Variants in MAN1A2 observed in about 807,000 individuals in gnomAD.
MAN1A2 encodes the protein mannosidase alpha class 1A member 2.
In MAN1A2, 26 loss-of-function variants were observed where a neutral mutation model predicts 75.7. The ratio of observed to expected loss-of-function variants is 0.34; its 90% CI spans 0.25 to 0.48. MAN1A2 has a LOEUF of 0.48. Among genes scored for constraint, MAN1A2 ranks in the 20% least tolerant of loss-of-function variants. The probability of loss-of-function intolerance (pLI) is 0.99; values close to 1 mark genes in which losing one functional copy is unlikely to be tolerated. For missense variants in MAN1A2, 562 were observed against 775.5 expected, an observed-to-expected ratio of 0.72 and a Z score of 3.27; for synonymous variants, 247 against 264.6, an observed-to-expected ratio of 0.93 and a Z score of 0.65.
At chr1:117,480,391 T>C (rs951712223) in intron 8 of MAN1A2, among the ~76,000 whole-genome samples, 4 of 152,020 alleles carry the variant, frequency 2.6e-5, no homozygotes, top group Middle Eastern at 3.4e-3. Context: ...CCTTGTTTGT[T>C]TTCCATCATT....
At chr1:117,445,894 A>ATATATATATATATATG (rs1557953937) in intron 6 of MAN1A2, among the ~76,000 whole-genome samples, 1 of 144,108 alleles carries the variant, frequency 6.9e-6, no homozygotes, top group Non-Finnish European at 1.5e-5. Context: ...GTATATATAT[A>ATATATATATATATATG]TATATGTATA....
chr1:117,505,051 A>C (rs978402882), intron 12 of MAN1A2, among the ~76,000 whole-genome samples: 7 of 151,430 alleles, frequency 4.6e-5, no homozygotes, highest in African/African-American at 1.7e-4. Context: ...GATAATTTTG[A>C]GACTGTGAAT....
chr1:117,465,132 C>T (rs1367553241), intron 7 of MAN1A2, among the ~76,000 whole-genome samples: 4 of 151,472 alleles, frequency 2.6e-5, no homozygotes, highest in African/African-American at 9.7e-5. Flanking sequence ...TAGTTATCAA[C>T]AAAATGAAGG....
intron 8 of MAN1A2, among the ~76,000 whole-genome samples, chr1:117,490,191 G>C (rs543976715): frequency 6.6e-6 from 1 of 151,814 alleles, no homozygotes; most frequent in Non-Finnish European, 1.5e-5. Flanking sequence ...ATATTGCAGG[G>C]TTTGGTGTGT....
intron 8 of MAN1A2, among the ~76,000 whole-genome samples, chr1:117,469,700 A>G (rs994550409): frequency 6.6e-6 from 1 of 152,172 alleles, no homozygotes; most frequent in Non-Finnish European, 1.5e-5. Context: ...CATTTCTGCA[A>G]AGAAGATATG....
At chr1:117,495,402 T>A (rs569539739) in intron 9 of MAN1A2, among the ~76,000 whole-genome samples, 14 of 151,866 alleles carry the variant, frequency 9.2e-5, no homozygotes, top group Non-Finnish European at 2.1e-4. Flanking sequence ...ATGGAATGTA[T>A]GAAAGAGATA....
At chr1:117,461,360 C>T (rs1051681907) in intron 7 of MAN1A2, among the ~76,000 whole-genome samples, 3 of 151,920 alleles carry the variant, frequency 2.0e-5, no homozygotes, top group South Asian at 2.1e-4. Flanking sequence ...ATTGATCTCA[C>T]GGAGGTAGAG....
At chr1:117,473,344 A>C (rs1301778346) in intron 8 of MAN1A2, among the ~76,000 whole-genome samples, 1 of 152,006 alleles carries the variant, frequency 6.6e-6, no homozygotes, top group East Asian at 1.9e-4. Context: ...ACCCTGAGCC[A>C]AGTCACCATC....
chr1:117,396,066 A>G (rs964165640), intron 1 of MAN1A2, among the ~76,000 whole-genome samples: 2 of 152,204 alleles, frequency 1.3e-5, no homozygotes, highest in African/African-American at 4.8e-5. Flanking sequence ...GCTTCAGTGT[A>G]TAGAGTTTTA....
At chr1:117,450,622 C>T (rs945485035) in intron 6 of MAN1A2, among the ~76,000 whole-genome samples, 30 of 152,244 alleles carry the variant, frequency 2.0e-4, no homozygotes, top group African/African-American at 7.0e-4. Context: ...AAAGTGGTTT[C>T]GTGGGCCAGG....
In MAN1A2 at chr1:117,405,559, A is replaced by G; in HGVS notation, c.569A>G (p.His190Arg). The change falls in exon 3 of 13, where the codon CAT (histidine) becomes CGT (arginine). Residue 190 changes from histidine (H) to arginine (R), a missense_variant. By Grantham distance (29) the His-to-Arg change is conservative. Around this residue, in one of 2 missense-constraint regions of MAN1A2, gnomAD observed 434 missense variants for 645.7 expected, o/e 0.67. Coordinates refer to ENST00000356554, the MANE Select transcript of MAN1A2 (RefSeq NM_006699.5). The stretch of plus-strand genomic sequence containing the variant: ...TTTTTCTCTTTTCAGATGATGAAAC[A>G]TGCTTGGGATAACTATAGGACATAT... ...KREKIKEMMK[H>R]AWDNYRTYGW... The G allele has an allele frequency of 6.3e-7, 1 of 1,594,190 alleles. No individual in the cohort carries two copies. Among genetic ancestry groups the G allele is most frequent in the Non-Finnish European group, 8.6e-7 (1 of 1,162,276 alleles).
chr1:117,473,080 A>T (rs1160493511), intron 8 of MAN1A2, among the ~76,000 whole-genome samples: 1 of 151,952 alleles, frequency 6.6e-6, no homozygotes, highest in Non-Finnish European at 1.5e-5. Flanking sequence ...TATCTACTTG[A>T]CATTTTTACT....
At chr1:117,374,972 C>A (rs894376068) in intron 1 of MAN1A2, among the ~76,000 whole-genome samples, 1 of 151,912 alleles carries the variant, frequency 6.6e-6, no homozygotes, top group Non-Finnish European at 1.5e-5. Flanking sequence ...GAAATCTATA[C>A]CGATTTAAAA....
At chr1:117,436,947 A>G (rs969302311) in intron 5 of MAN1A2, among the ~76,000 whole-genome samples, 1 of 152,248 alleles carries the variant, frequency 6.6e-6, no homozygotes, top group Non-Finnish European at 1.5e-5. Context: ...AGATTTCATT[A>G]TGAGTTTTAA....
In MAN1A2 at chr1:117,402,392, G is replaced by A; in HGVS notation, c.509G>A (p.Gly170Glu). 6.2e-7 allele frequency: 1 copy of A among 1,612,626 alleles called. No individual in the cohort carries two copies. Among genetic ancestry groups the A allele is most frequent in the Non-Finnish European group, 8.5e-7 (1 of 1,179,514 alleles). Residue 170 changes from glycine to glutamate, a missense_variant, in exon 2 of 13, where the codon GGA becomes GAA. Gly to Glu is a moderately conservative substitution (Grantham distance 98). Around this residue, in one of 2 missense-constraint regions of MAN1A2, gnomAD observed 434 missense variants for 645.7 expected, o/e 0.67. Transcript: ENST00000356554. Reference sequence around the variant, plus strand: ...CCCAACCTTGTAGGAATACGTGGTGGAGACCCAGAAGATAATGACATAAGA... The same window carrying A: ...CCCAACCTTGTAGGAATACGTGGTGAAGACCCAGAAGATAATGACATAAGA... Reference protein sequence around the residue: ...PIPNLVGIRGGDPEDNDIREK... With the variant: ...PIPNLVGIRGEDPEDNDIREK...
intron 8 of MAN1A2, among the ~76,000 whole-genome samples, chr1:117,485,241 AAG>A (rs1650635563): frequency 2.0e-5 from 3 of 151,988 alleles, no homozygotes; most frequent in African/African-American, 7.2e-5. Flanking sequence ...ACAGAGGAAT[AAG>A]AAGTTAAGCA....
chr1:117,402,917 A>T (rs771307724), intron 2 of MAN1A2, among the ~76,000 whole-genome samples: 8 of 152,128 alleles, frequency 5.3e-5, no homozygotes, highest in Non-Finnish European at 1.0e-4. Flanking sequence ...CATTCCTTCC[A>T]AAAAGTCTCC....
chr1:117,514,234 A>G (rs1389518859), intron 12 of MAN1A2, among the ~76,000 whole-genome samples: 1 of 151,956 alleles, frequency 6.6e-6, no homozygotes, highest in Non-Finnish European at 1.5e-5. Context: ...ATGGTGGTGC[A>G]TGGCTGTAAT....
At chr1:117,490,144 T>C (rs1255408355) in intron 8 of MAN1A2, among the ~76,000 whole-genome samples, 3 of 152,088 alleles carry the variant, frequency 2.0e-5, no homozygotes. Context: ...TATGTTTATA[T>C]GCTTAGCTAT....
Sources: allele counts gnomAD v4.1 joint callset (sites outside exome capture counted in the v4.1 genomes callset), GRCh38; gene constraint gnomAD v4.1.1; regional missense constraint gnomAD v4.1.1; transcripts MANE v1.5; gene names NCBI Gene and HGNC (gene_info 2026-07-23, HGNC 2026-07-21).